MCPH1: variants seen among roughly 807,000 people sequenced by gnomAD.
MCPH1 encodes the protein microcephalin.
Under a neutral mutation model 84.5 loss-of-function variants are expected in MCPH1, and 104 were observed. That is an observed-to-expected ratio of 1.23 (90% CI 1.05 to 1.45). The LOEUF (loss-of-function observed/expected upper bound fraction) is 1.45, where lower values mean the gene tolerates loss of function less well. MCPH1 is among the 40% of genes most tolerant of loss of function. The probability of loss-of-function intolerance (pLI) is 0.00; values close to 1 mark genes in which losing one functional copy is unlikely to be tolerated. For synonymous variants in MCPH1, 514 were observed against 366.8 expected (o/e 1.40, Z -4.58); for missense variants, 1,498 against 1,005.7 (o/e 1.49, Z -6.62).
At chr8:6,533,569 C>CTTTTTTTT (rs56882906) in intron 12 of MCPH1, among the ~76,000 whole-genome samples, 1 of 113,338 alleles carries the variant, frequency 8.8e-6, no homozygotes, top group African/African-American at 3.3e-5. Flanking sequence ...CGTTTAGTTT[C>CTTTTTTTT]TTTTTTTTTT....
chr8:6,489,131 C>T (rs1319656163), intron 11 of MCPH1, among the ~76,000 whole-genome samples: 1 of 152,020 alleles, frequency 6.6e-6, no homozygotes. Flanking sequence ...GTCTGAGATT[C>T]CTACTGGACA....
Position 6,429,811 on chromosome 8 carries a change from C to A in MCPH1, c.234-1688C>A, listed in dbSNP as rs547534923. Among the ~76,000 whole-genome samples the A allele has an allele frequency of 7.9e-5, 12 of 152,176 alleles. No homozygotes were observed. The South Asian group carries it at 2.5e-3, about 32-fold the overall frequency. On this transcript the variant is annotated intron_variant, in intron 3 of 13. Transcript: ENST00000344683. ...TCCTGCCACAGTTATTGCAGTATTC[C>A]CTGACTGGCCTCCTCCTCCTGGACC...
In MCPH1 at chr8:6,507,032, G is replaced by T. The variant is rs574071256; in HGVS notation, c.2214+7103G>T. On this transcript the variant is annotated intron_variant, in intron 12 of 13. Transcript: ENST00000344683. ...CCTGCCTCAGCCTCCTGAGTAGCTG[G>T]GATTACAGGCGTATGCCACCACGCC... Among the ~76,000 whole-genome samples, 4 of 152,018 alleles carry T rather than the reference G, an allele frequency of 2.6e-5. No homozygotes were observed. In the East Asian group the frequency reaches 7.8e-4, roughly 30 times the overall value.
chr8:6,641,392 G>A (rs1348477108), intron 13 of MCPH1, among the ~76,000 whole-genome samples: 1 of 152,158 alleles, frequency 6.6e-6, no homozygotes, highest in Non-Finnish European at 1.5e-5. Flanking sequence ...AAGACAAAGT[G>A]TTGATATAAT....
At chr8:6,446,982 G>C (rs1282493594) in intron 8 of MCPH1, 1 of 985,314 alleles carries the variant, frequency 1.0e-6, no homozygotes, top group East Asian at 1.1e-4. Context: ...AGGTTTTTTC[G>C]CTCAGTGGTG....
chr8:6,407,787 G>T (rs987720177), intron 1 of MCPH1, among the ~76,000 whole-genome samples: 1 of 152,130 alleles, frequency 6.6e-6, no homozygotes, highest in African/African-American at 2.4e-5. Flanking sequence ...TAGAACAGGG[G>T]TCCACTCACT....
intron 12 of MCPH1, among the ~76,000 whole-genome samples, chr8:6,592,073 A>T (rs1828501237): frequency 6.6e-6 from 1 of 152,216 alleles, no homozygotes; most frequent in African/African-American, 2.4e-5. Flanking sequence ...TCATGAAAGC[A>T]AATAGAGAAC....
At chr8:6,584,998 T>C (rs111924070) in intron 12 of MCPH1, among the ~76,000 whole-genome samples, 431 of 152,334 alleles carry the variant, frequency 2.8e-3, no homozygotes, top group Non-Finnish European at 4.0e-3. Flanking sequence ...CATGAAGCAG[T>C]AGATATCCCC....
At chr8:6,625,566 C>A (rs963719572) in intron 13 of MCPH1, 18 of 973,628 alleles carry the variant, frequency 1.8e-5, no homozygotes, top group African/African-American at 8.8e-5. Flanking sequence ...AGACAATACT[C>A]AAAAAAAAAT....
chr8:6,419,509 C>G (rs1194823288), intron 3 of MCPH1, among the ~76,000 whole-genome samples: 1 of 151,902 alleles, frequency 6.6e-6, no homozygotes, highest in African/African-American at 2.4e-5. Flanking sequence ...TCTCCTGCCT[C>G]AGCCTCCCGA....
intron 12 of MCPH1, among the ~76,000 whole-genome samples, chr8:6,515,865 A>C (rs538049799): frequency 3.9e-5 from 6 of 152,304 alleles, no homozygotes; most frequent in African/African-American, 1.2e-4. Context: ...TAGAATCCTA[A>C]AGAGGAGAGC....
chr8:6,446,624 A>T (rs1468065857), intron 8 of MCPH1: 1 of 979,598 alleles, frequency 1.0e-6, no homozygotes, highest in East Asian at 1.1e-4. Flanking sequence ...TAAAATGTTG[A>T]CTCAAAAGTT....
At chr8:6,587,477 C>G (rs961824482) in intron 12 of MCPH1, among the ~76,000 whole-genome samples, 1 of 152,152 alleles carries the variant, frequency 6.6e-6, no homozygotes, top group Non-Finnish European at 1.5e-5. Context: ...TTGCGATCAC[C>G]CCTACACTGA....
chr8:6,472,238 A>G (rs1374903218), intron 9 of MCPH1, among the ~76,000 whole-genome samples: 1 of 152,196 alleles, frequency 6.6e-6, no homozygotes, highest in African/African-American at 2.4e-5. Context: ...AGAATATCAC[A>G]TCAAGAGGGT....
intron 12 of MCPH1, among the ~76,000 whole-genome samples, chr8:6,588,858 G>T (rs1470540583): frequency 6.6e-6 from 1 of 152,224 alleles, no homozygotes; most frequent in Non-Finnish European, 1.5e-5. Flanking sequence ...AGGCAGGCTG[G>T]AGGCCCAGTT....
In MCPH1 at chr8:6,625,665, C is replaced by G. The variant is rs902119542; in HGVS notation, c.2452+3974C>G. 3.3e-5 allele frequency: 33 copies of G among 985,098 alleles called. No individual in the cohort carries two copies. The South Asian group carries it at 1.5e-3, about 43-fold the overall frequency. 61.0% of individuals were successfully genotyped at this position (985,098 alleles called of 1,614,324 possible). On this transcript the variant is annotated intron_variant, in intron 13 of 13. Transcript: ENST00000344683. ...GAGTAATTTGAGCCGGGCGTGGTGG[C>G]CCATGCCTGTTGTCTTAGCTACGTG...
Position 6,646,890 on chromosome 8 carries a change from T to C in MCPH1, c.*3841T>C, listed in dbSNP as rs1230664527. On this transcript the variant is annotated 3_prime_UTR_variant, in exon 14 of 14. Coordinates refer to ENST00000344683, the MANE Select transcript of MCPH1 (RefSeq NM_024596.5). Reference sequence around the variant, plus strand: ...AGCATAGCAGGAAATCATTCTGACCTCAGGTTAGGCAAAGCTTTCTTAGAT... The same window carrying C: ...AGCATAGCAGGAAATCATTCTGACCCCAGGTTAGGCAAAGCTTTCTTAGAT... The C allele has an allele frequency of 6.6e-6, 1 of 152,162 alleles. No homozygotes were observed. The highest frequency in any genetic ancestry group is 2.4e-5 in the African/African-American group (1 of 41,426). 9.4% of individuals were successfully genotyped at this position (152,162 alleles called of 1,614,324 possible). A position where few individuals can be genotyped will look rare whatever the true frequency, so the allele number is the denominator to read the frequency against.
At chr8:6,499,831 T>G in intron 11 of MCPH1, 21 bp from the exon 12 acceptor site, 1 of 1,610,126 alleles carries the variant, frequency 6.2e-7, no homozygotes, top group Non-Finnish European at 8.5e-7. Context: ...ATAATAAATC[T>G]GCTTGTTGTG....
chr8:6,458,353 TC>T (rs1454066623), intron 9 of MCPH1, among the ~76,000 whole-genome samples: 1 of 151,412 alleles, frequency 6.6e-6, no homozygotes, highest in African/African-American at 2.4e-5. Context: ...GCGCCTGTAG[TC>T]CCAGCTCCTC....
Sources: gnomAD v4.1 joint callset for allele counts (sites outside exome capture counted in the v4.1 genomes callset) on GRCh38, gnomAD v4.1.1 for gene constraint, MANE v1.5 for transcripts, NCBI Gene and HGNC (gene_info 2026-07-23, HGNC 2026-07-21) for gene names.